The following AUTS2 variants were observed in gnomAD, a reference collection of about 807,000 sequenced individuals.
AUTS2 encodes activator of transcription and developmental regulator AUTS2.
Under a neutral mutation model 112.4 loss-of-function variants are expected in AUTS2, and 17 were observed. The observed-to-expected ratio is 0.15, with a 90% confidence interval of 0.10 to 0.23. The LOEUF is 0.23. Among genes scored for constraint, AUTS2 ranks in the 10% least tolerant of loss-of-function variants. AUTS2 has a pLI of 1.00. For synonymous variants in AUTS2, 751 were observed against 702.7 expected, an observed-to-expected ratio of 1.07 and a Z score of -1.09; for missense variants, 1,510 against 1,701.6, an observed-to-expected ratio of 0.89 and a Z score of 1.98.
At chr7:70,741,591 T>C (rs892488620) in intron 6 of AUTS2, among the ~76,000 whole-genome samples, 11 of 151,036 alleles carry the variant, frequency 7.3e-5, no homozygotes, top group African/African-American at 2.4e-4. Flanking sequence ...CTTAGGAGAC[T>C]GAGGCAGGAG....
intron 4 of AUTS2, among the ~76,000 whole-genome samples, chr7:70,355,427 C>CTTT (rs1273472351): frequency 6.6e-6 from 1 of 152,050 alleles, no homozygotes; most frequent in Non-Finnish European, 1.5e-5. Context: ...TCGGGGAGGA[C>CTTT]TTTTTGTTCT....
At position 69,744,670 on chromosome 7, in the gene AUTS2, CAA is replaced by C. The variant is rs61451653; in HGVS notation, c.309+144724_309+144725del. On this transcript the variant is annotated intron_variant, in intron 1 of 18. Transcript: ENST00000342771. The stretch of plus-strand genomic sequence containing the variant: ...CTACAAATCAAGACTCCCCACACTA[CAA>C]AAAAAAAAAAAAAAATTAGCCGATG... 5.3e-3 allele frequency among the ~76,000 whole-genome samples: 549 copies of C among 103,974 alleles called. 5 individuals carry two copies. The highest frequency in any genetic ancestry group is 0.017 in the African/African-American group (469 of 28,348). The allele number at this position is 103,974 out of a possible 152,430, so 68.2% of individuals were successfully genotyped here. A position where few individuals can be genotyped will look rare whatever the true frequency, so the allele number is the denominator to read the frequency against.
At chr7:70,513,464 C>G (rs1362590059) in intron 5 of AUTS2, among the ~76,000 whole-genome samples, 1 of 152,152 alleles carries the variant, frequency 6.6e-6, no homozygotes, top group South Asian at 2.1e-4. Flanking sequence ...AATAAGGGGA[C>G]AGATTTGAGT....
In AUTS2 at chr7:70,460,000, A is replaced by G. The variant is rs566842994; in HGVS notation, c.690+24219A>G. On this transcript the variant is annotated intron_variant, in intron 5 of 18. Coordinates refer to ENST00000342771, the MANE Select transcript of AUTS2 (RefSeq NM_015570.4). ...TCTAACACTGAACAAGCAAGGCCCC[A>G]TGGACCAGGCCCCCAATAGACGTTA... is the stretch of plus-strand genomic sequence containing the variant. 2.6e-5 allele frequency among the ~76,000 whole-genome samples: 4 copies of G among 152,278 alleles called. No homozygotes were observed. In the South Asian group the frequency reaches 6.2e-4, roughly 24 times the overall value.
chr7:70,416,056 TCC>T (rs941399968), intron 4 of AUTS2, among the ~76,000 whole-genome samples: 1 of 152,214 alleles, frequency 6.6e-6, no homozygotes, highest in African/African-American at 2.4e-5. Flanking sequence ...CCTGGCTGGC[TCC>T]TTCATATGTT....
At chr7:69,682,105 A>G (rs1170012213) in intron 1 of AUTS2, among the ~76,000 whole-genome samples, 2 of 152,192 alleles carry the variant, frequency 1.3e-5, no homozygotes, top group African/African-American at 2.4e-5. Context: ...ACTCTTAATT[A>G]TCATATAATA....
At chr7:69,765,282 T>A (rs963391480) in intron 1 of AUTS2, among the ~76,000 whole-genome samples, 1 of 152,230 alleles carries the variant, frequency 6.6e-6, no homozygotes, top group Non-Finnish European at 1.5e-5. Context: ...TTATCACACC[T>A]AACAGGACAC....
intron 1 of AUTS2, among the ~76,000 whole-genome samples, chr7:69,870,073 A>G (rs1005362242): frequency 6.6e-6 from 1 of 152,160 alleles, no homozygotes; most frequent in Non-Finnish European, 1.5e-5. Flanking sequence ...GTGGAAGCCT[A>G]TTAACTTCTT....
chr7:70,767,712 A>G (rs945532613), intron 9 of AUTS2, among the ~76,000 whole-genome samples: 1 of 152,208 alleles, frequency 6.6e-6, no homozygotes. Context: ...TCTCTGATTT[A>G]TCTGGATAAT....
At chr7:70,497,014 GAC>G (rs1286115559) in intron 5 of AUTS2, among the ~76,000 whole-genome samples, 4 of 33,734 alleles carry the variant, frequency 1.2e-4, no homozygotes, top group African/African-American at 6.0e-4. Context: ...TACACAGTCA[GAC>G]ACACACACAC....
At chr7:70,218,074 A>G (rs1159623840) in intron 4 of AUTS2, among the ~76,000 whole-genome samples, 1 of 152,240 alleles carries the variant, frequency 6.6e-6, no homozygotes, top group Admixed American at 6.5e-5. Flanking sequence ...AGGCCTGCCC[A>G]TGCATACACT....
intron 2 of AUTS2, among the ~76,000 whole-genome samples, chr7:70,084,110 T>C (rs1803465686): frequency 1.3e-5 from 2 of 152,140 alleles, no homozygotes; most frequent in East Asian, 3.8e-4. Context: ...AAATTAACTG[T>C]TTTTTGTCAC....
chr7:69,953,370 G>GA (rs1242405680), intron 2 of AUTS2, among the ~76,000 whole-genome samples: 1 of 152,084 alleles, frequency 6.6e-6, no homozygotes, highest in African/African-American at 2.4e-5. Flanking sequence ...AATTTAGTAT[G>GA]ATTTTTTTTT....
At chr7:70,124,655 C>T (rs1805865689) in intron 3 of AUTS2, among the ~76,000 whole-genome samples, 1 of 152,038 alleles carries the variant, frequency 6.6e-6, no homozygotes, top group African/African-American at 2.4e-5. Flanking sequence ...CTCCGACTCC[C>T]TGGTTCAAGT....
intron 5 of AUTS2, among the ~76,000 whole-genome samples, chr7:70,542,096 G>A (rs1800574323): frequency 6.6e-6 from 1 of 152,008 alleles, no homozygotes; most frequent in Non-Finnish European, 1.5e-5. Flanking sequence ...TTGACCACTT[G>A]AATTGCATGT....
At chr7:70,283,127 G>A (rs967895418) in intron 4 of AUTS2, among the ~76,000 whole-genome samples, 19 of 152,162 alleles carry the variant, frequency 1.2e-4, no homozygotes, top group South Asian at 4.1e-4. Context: ...GCTTTGAATC[G>A]AAATATTAAG....
At chr7:70,613,084 A>G (rs970142877) in intron 5 of AUTS2, among the ~76,000 whole-genome samples, 4 of 152,108 alleles carry the variant, frequency 2.6e-5, no homozygotes, top group Non-Finnish European at 4.4e-5. Flanking sequence ...GATTGATGCA[A>G]ATGGCCCTAT....
intron 2 of AUTS2, among the ~76,000 whole-genome samples, chr7:69,976,887 G>A (rs1440807227): frequency 6.6e-6 from 1 of 152,018 alleles, no homozygotes; most frequent in African/African-American, 2.4e-5. Flanking sequence ...CCATTCCATA[G>A]GTTTCTTTTT....
intron 1 of AUTS2, among the ~76,000 whole-genome samples, chr7:69,873,450 G>GTTTTTTTTTTT: frequency 6.8e-6 from 1 of 147,726 alleles, no homozygotes; most frequent in Non-Finnish European, 1.5e-5. Context: ...CCCAGAGTTA[G>GTTTTTTTTTTT]CAGTCAGGGT....
Sources: allele counts gnomAD v4.1 joint callset (sites outside exome capture counted in the v4.1 genomes callset), GRCh38; gene constraint gnomAD v4.1.1; transcripts MANE v1.5; gene names NCBI Gene and HGNC (gene_info 2026-07-23, HGNC 2026-07-21).